NBAS: variants seen among roughly 807,000 people sequenced by gnomAD.
NBAS encodes the protein NAG/BC035112 fusion.
NBAS carries 219 observed loss-of-function variants against 302.5 expected under a neutral mutation model. The observed-to-expected ratio is 0.72, with a 90% confidence interval of 0.65 to 0.81. The LOEUF is 0.81. Among genes scored for constraint, NBAS ranks in the 30% least tolerant of loss-of-function variants. The pLI, the probability that NBAS is intolerant of heterozygous loss-of-function variation, is 0.00. For missense variants in NBAS, 2,932 were observed against 2,841.6 expected (o/e 1.03, Z -0.72); for synonymous variants, 1,118 against 1,021.6 (o/e 1.09, Z -1.80).
chr2:15,162,411 C>T (rs750845130), downstream of NBAS, among the ~76,000 whole-genome samples: 32 of 152,234 alleles, frequency 2.1e-4, no homozygotes, highest in African/African-American at 7.7e-4. Flanking sequence ...TGGAAATCTT[C>T]GTCTTGCGCC....
chr2:15,390,124 A>G (rs1675515928), intron 28 of NBAS, among the ~76,000 whole-genome samples: 1 of 152,206 alleles, frequency 6.6e-6, no homozygotes, highest in Admixed American at 6.5e-5. Context: ...CTAGGAAAAG[A>G]AAAGGGGAAA....
At chr2:15,193,660 A>C (rs564607616) in intron 48 of NBAS, among the ~76,000 whole-genome samples, 1 of 152,270 alleles carries the variant, frequency 6.6e-6, no homozygotes, top group East Asian at 1.9e-4. Flanking sequence ...TTGAGCATAT[A>C]CTTTTAAAAC....
chr2:15,261,891 A>C (rs1052354194), intron 44 of NBAS, among the ~76,000 whole-genome samples: 1 of 152,200 alleles, frequency 6.6e-6, no homozygotes, highest in East Asian at 1.9e-4. Context: ...GTTATTATTA[A>C]TATCATTGAA....
chr2:15,030,782 A>C, the NBAS span, among the ~76,000 whole-genome samples: 29 of 152,160 alleles, frequency 1.9e-4, no homozygotes, highest in Non-Finnish European at 2.6e-4. Context: ...TATCTTGTGC[A>C]TGGTAGGATG....
At chr2:15,296,810 C>A (rs1323495002) in intron 40 of NBAS, among the ~76,000 whole-genome samples, 2 of 152,114 alleles carry the variant, frequency 1.3e-5, no homozygotes, top group African/African-American at 2.4e-5. Context: ...TGTTCTCCAG[C>A]CTGTGGGACA....
chr2:15,536,343 AG>A, intron 8 of NBAS, 74 bp downstream of exon 8: 2 of 1,509,416 alleles, frequency 1.3e-6, no homozygotes, highest in South Asian at 1.2e-5. Flanking sequence ...AAAAAAAAAA[AG>A]AAATATCAAA....
chr2:15,006,120 T>C, the NBAS span, among the ~76,000 whole-genome samples: 1 of 152,210 alleles, frequency 6.6e-6, no homozygotes, highest in East Asian at 1.9e-4. Flanking sequence ...GAATTGAACA[T>C]AGGGTTTTTA....
intron 47 of NBAS, among the ~76,000 whole-genome samples, chr2:15,220,818 A>G (rs1169893269): frequency 6.6e-6 from 1 of 152,110 alleles, no homozygotes; most frequent in Non-Finnish European, 1.5e-5. Flanking sequence ...AGTCTAACTT[A>G]CCTTAAATCA....
chr2:14,926,357 A>C, the NBAS span, among the ~76,000 whole-genome samples: 75 of 152,236 alleles, frequency 4.9e-4, 1 homozygote, highest in Middle Eastern at 3.4e-3. Context: ...AGAGCAACAA[A>C]GTCAGCAAAA....
the NBAS span, among the ~76,000 whole-genome samples, chr2:14,960,244 A>G: frequency 6.6e-6 from 1 of 152,210 alleles, no homozygotes; most frequent in South Asian, 2.1e-4. Flanking sequence ...GCTGTAGCAC[A>G]GCGTTTCATC....
the NBAS span, among the ~76,000 whole-genome samples, chr2:14,934,047 A>T: frequency 2.0e-5 from 3 of 152,140 alleles, no homozygotes; most frequent in Admixed American, 2.0e-4. Flanking sequence ...ATAAATAATC[A>T]AGTGTCCAGG....
intron 42 of NBAS, among the ~76,000 whole-genome samples, chr2:15,277,422 T>C (rs1469903883): frequency 6.6e-6 from 1 of 152,184 alleles, no homozygotes; most frequent in Admixed American, 6.5e-5. Flanking sequence ...AACCAACATC[T>C]GTCAGCGTCC....
intron 21 of NBAS, among the ~76,000 whole-genome samples, chr2:15,451,197 T>A (rs1678992053): frequency 6.6e-6 from 1 of 152,128 alleles, no homozygotes; most frequent in Non-Finnish European, 1.5e-5. Flanking sequence ...GCTACAGAAG[T>A]GTGCCACCAT....
intron 11 of NBAS, among the ~76,000 whole-genome samples, chr2:15,502,598 A>G (rs13024247): frequency 0.56 from 84,823 of 152,070 alleles, 24,347 homozygotes; most frequent in Middle Eastern, 0.62. Flanking sequence ...TAAACACAGA[A>G]AAGGTACAGT....
chr2:15,126,843 A>T, the NBAS span, among the ~76,000 whole-genome samples: 1 of 152,278 alleles, frequency 6.6e-6, no homozygotes, highest in East Asian at 1.9e-4. Context: ...ATTTCATTTC[A>T]TCTTTACAAT....
At chr2:15,321,688 TGA>T (rs1045868650) in intron 38 of NBAS, among the ~76,000 whole-genome samples, 81 of 152,226 alleles carry the variant, frequency 5.3e-4, no homozygotes, top group African/African-American at 1.8e-3. Context: ...AAAACCACAA[TGA>T]GATACCATCT....
At chr2:14,788,086 T>G in the NBAS span, among the ~76,000 whole-genome samples, 1 of 152,222 alleles carries the variant, frequency 6.6e-6, no homozygotes, top group African/African-American at 2.4e-5. Context: ...CTTCCATCAC[T>G]GATACCCTTT....
intron 41 of NBAS, among the ~76,000 whole-genome samples, chr2:15,289,534 A>G (rs138074964): frequency 2.6e-5 from 4 of 152,318 alleles, no homozygotes; most frequent in African/African-American, 9.6e-5. Flanking sequence ...CTGGCACAAG[A>G]CATTTTCAAT....
chr2:15,192,507 T>G (rs1056618974), intron 48 of NBAS, among the ~76,000 whole-genome samples: 1 of 152,104 alleles, frequency 6.6e-6, no homozygotes, highest in Admixed American at 6.5e-5. Flanking sequence ...AAAGAAAAAT[T>G]ACTATTAAAT....
Sources: allele counts gnomAD v4.1 joint callset (sites outside exome capture counted in the v4.1 genomes callset), GRCh38; gene constraint gnomAD v4.1.1; transcripts MANE v1.5; gene names NCBI Gene and HGNC (gene_info 2026-07-23, HGNC 2026-07-21).